Variants in SMYD4 observed in about 807,000 individuals in gnomAD.
SMYD4 encodes the protein SET and MYND domain containing 4.
In SMYD4, 68 loss-of-function variants were observed where a neutral mutation model predicts 72.8. The observed-to-expected ratio is 0.93, with a 90% CI of 0.77 to 1.14. The LOEUF is 1.14. Ranked by LOEUF, SMYD4 falls within the 50% of genes most tolerant of loss-of-function variation. The pLI is 0.00. For missense variants in SMYD4, 984 were observed against 1,003.7 expected, an observed-to-expected ratio of 0.98 and a Z score of 0.27; for synonymous variants, 407 against 388.6, an observed-to-expected ratio of 1.05 and a Z score of -0.56.
Position 1,780,387 on chromosome 17 carries a change from A to C in SMYD4, c.*899T>G, listed in dbSNP as rs72822450. On this transcript the variant is annotated 3_prime_UTR_variant, in exon 11 of 11. Transcript: ENST00000305513. ...GTGCCACCATGCTCGGTGAACTAAA[A>C]AAACTTTTTTGTAGTGATACGGTCT... 0.27 allele frequency: 40,712 copies of C among 151,662 alleles called. 6,066 individuals carry two copies. Among genetic ancestry groups the C allele is most frequent in the East Asian group, 0.38 (1,930 of 5,140 alleles). 9.4% of individuals were successfully genotyped at this position (151,662 alleles called of 1,614,324 possible).
At chr17:1,783,215 T>G in intron 9 of SMYD4, 57 bp from the exon 10 acceptor site, 2 of 1,613,066 alleles carry the variant, frequency 1.2e-6, no homozygotes, top group Non-Finnish European at 1.7e-6. Flanking sequence ...TGTGGATGCA[T>G]ATTTTCAGGG....
At position 1,781,184 on chromosome 17, in the gene SMYD4, G is replaced by C. The variant is rs1281589440; in HGVS notation, c.*102C>G. 1 of 1,448,582 alleles carries C rather than the reference G, an allele frequency of 6.9e-7. No individual in the cohort carries two copies. Among genetic ancestry groups the C allele is most frequent in the African/African-American group, 1.4e-5 (1 of 69,724 alleles). 89.7% of individuals were successfully genotyped at this position (1,448,582 alleles called of 1,614,324 possible). On this transcript the variant is annotated 3_prime_UTR_variant, in exon 11 of 11. Transcript: ENST00000305513. ...GATCCGCCCACCTTAGCCTCCCAAA[G>C]TGCTGGGATTACAGGCGTGAGCCAC...
intron 2 of SMYD4, among the ~76,000 whole-genome samples, chr17:1,817,977 G>A (rs1473617478): frequency 2.0e-5 from 3 of 149,950 alleles, no homozygotes; most frequent in African/African-American, 7.3e-5. Context: ...AACCCGGGAG[G>A]CGGAGCTTGC....
intron 6 of SMYD4, 52 bp downstream of exon 6, chr17:1,787,370 C>T (rs1451848449): frequency 5.8e-6 from 9 of 1,545,308 alleles, no homozygotes; most frequent in Non-Finnish European, 7.0e-6. Flanking sequence ...CTTGCGTCCC[C>T]GTCCTTTTCT....
In SMYD4 at chr17:1,783,040, GA is replaced by G; in HGVS notation, c.2255del (p.Phe752SerfsTer10). ...HELFKLAQIF[F>X]NGFAVPEALS... ...GAAGTGGGAAAGGGACTCACCCGTTGAAAAAGATCTGGGCCAATTTGAAGAG... is the reference window on the plus strand; with the variant it reads ...GAAGTGGGAAAGGGACTCACCCGTTGAAAAGATCTGGGCCAATTTGAAGAG... On this transcript the variant is annotated frameshift_variant, in exon 10 of 11. Coordinates refer to ENST00000305513, the MANE Select transcript of SMYD4 (RefSeq NM_052928.3). LOFTEE classifies it high-confidence loss of function. 1 of 1,613,906 alleles carries G rather than the reference GA, an allele frequency of 6.2e-7. No individual in the cohort carries two copies. The highest frequency in any genetic ancestry group is 8.5e-7 in the Non-Finnish European group (1 of 1,179,958).
intron 5 of SMYD4, among the ~76,000 whole-genome samples, chr17:1,795,456 T>C (rs1433346301): frequency 4.0e-5 from 6 of 148,846 alleles, no homozygotes; most frequent in Non-Finnish European, 8.9e-5. Context: ...ATCATCTATC[T>C]ATCTATCTAA....
intron 9 of SMYD4, 84 bp downstream of exon 9, chr17:1,783,276 T>A: frequency 6.2e-7 from 1 of 1,610,134 alleles, no homozygotes; most frequent in Admixed American, 1.7e-5. Context: ...GAGCGGGGGG[T>A]AACCAGGCAG....
intron 4 of SMYD4, 92 bp downstream of exon 4, chr17:1,804,534 T>G (rs867389716): frequency 3.7e-6 from 4 of 1,088,934 alleles, no homozygotes; most frequent in Middle Eastern, 2.0e-4. Flanking sequence ...ATGATTTTAG[T>G]GTTCTATGGA....
rs71150816 is a variant in SMYD4 at position 1,789,764 on chromosome 17, C to CCAAAAA, written c.1538-2161_1538-2160insTTTTTG. Among the ~76,000 whole-genome samples the CCAAAAA allele has an allele frequency of 6.4e-4, 58 of 90,128 alleles. 11 individuals are homozygous for CCAAAAA. Among genetic ancestry groups the CCAAAAA allele is most frequent in the Non-Finnish European group, 9.4e-4 (39 of 41,402 alleles). 59.1% of individuals were successfully genotyped at this position (90,128 alleles called of 152,430 possible). A position where few individuals can be genotyped will look rare whatever the true frequency, so the allele number is the denominator to read the frequency against. On this transcript the variant is annotated intron_variant, in intron 5 of 10. Coordinates refer to ENST00000305513, the MANE Select transcript of SMYD4 (RefSeq NM_052928.3). Reference sequence around the variant, plus strand: ...TGGGTGAAAGAGCGAGACTCTGTCTCAAAAAAAAAAAAAAAGTTTTATAAA... The same window carrying CCAAAAA: ...TGGGTGAAAGAGCGAGACTCTGTCTCCAAAAAAAAAAAAAAAAAAAAGTTTTATAAA...
intron 7 of SMYD4, among the ~76,000 whole-genome samples, chr17:1,785,442 A>AAAG (rs945198501): frequency 2.7e-5 from 4 of 147,966 alleles, no homozygotes; most frequent in Non-Finnish European, 4.5e-5. Flanking sequence ...AGAAAAAGAA[A>AAAG]AAAAAAAAAA....
At chr17:1,792,090 G>A (rs1445348971) in intron 5 of SMYD4, among the ~76,000 whole-genome samples, 1 of 151,242 alleles carries the variant, frequency 6.6e-6, no homozygotes, top group Admixed American at 6.6e-5. Context: ...CCAGGCTGGA[G>A]TGAGTGCAGG....
At chr17:1,807,581 T>G (rs1221358662) in intron 3 of SMYD4, among the ~76,000 whole-genome samples, 1 of 151,956 alleles carries the variant, frequency 6.6e-6, no homozygotes, top group Non-Finnish European at 1.5e-5. Context: ...CAGGCTGGTC[T>G]TCAACTTCCA....
At chr17:1,811,901 T>C in intron 3 of SMYD4, 70 bp downstream of exon 3, 3 of 1,553,016 alleles carry the variant, frequency 1.9e-6, no homozygotes, top group Non-Finnish European at 2.6e-6. Flanking sequence ...TACTCCAGCC[T>C]GGGTAACACA....
chr17:1,825,230 C>T (rs1911103314), intron 2 of SMYD4, among the ~76,000 whole-genome samples: 1 of 151,990 alleles, frequency 6.6e-6, no homozygotes, highest in South Asian at 2.1e-4. Context: ...AAATTGTCCA[C>T]CTGGAAAAAA....
At chr17:1,817,343 CTGT>C (rs1311996200) in intron 2 of SMYD4, among the ~76,000 whole-genome samples, 1 of 150,894 alleles carries the variant, frequency 6.6e-6, no homozygotes, top group Admixed American at 6.6e-5. Flanking sequence ...TGGCCTAAAA[CTGT>C]TTTTTTTTGA....
At chr17:1,799,432 G>A (rs1349445717) in intron 5 of SMYD4, among the ~76,000 whole-genome samples, 6 of 150,694 alleles carry the variant, frequency 4.0e-5, no homozygotes, top group Admixed American at 1.3e-4. Context: ...GCAGTGGCAC[G>A]ATCTCGGCTC....
At chr17:1,816,390 C>A (rs549857162) in intron 2 of SMYD4, among the ~76,000 whole-genome samples, 1 of 151,742 alleles carries the variant, frequency 6.6e-6, no homozygotes, top group South Asian at 2.1e-4. Context: ...GAGGCCGAGG[C>A]GGGTGGATCA....
At chr17:1,824,623 A>G (rs9913437) in intron 2 of SMYD4, among the ~76,000 whole-genome samples, 1 of 151,478 alleles carries the variant, frequency 6.6e-6, no homozygotes, top group South Asian at 2.1e-4. Flanking sequence ...ATTTATATTT[A>G]TATTTTTATT....
At chr17:1,784,789 G>T (rs926410929) in intron 7 of SMYD4, among the ~76,000 whole-genome samples, 11 of 151,118 alleles carry the variant, frequency 7.3e-5, no homozygotes, top group African/African-American at 2.7e-4. Context: ...TCTTTTTTTT[G>T]AGATGGAGTC....
Sources: allele counts gnomAD v4.1 joint callset (sites outside exome capture counted in the v4.1 genomes callset), GRCh38; gene constraint gnomAD v4.1.1; transcripts MANE v1.5; gene names NCBI Gene and HGNC (gene_info 2026-07-23, HGNC 2026-07-21).